Variants in ACAP3 observed in about 807,000 individuals in gnomAD.
ACAP3 encodes the protein ArfGAP with coiled-coil, ankyrin repeat and PH domains 3.
A neutral mutation model predicts 104.1 loss-of-function variants in ACAP3; 56 were observed. The ratio of observed to expected loss-of-function variants is 0.54; its 90% CI spans 0.43 to 0.67. The LOEUF (loss-of-function observed/expected upper bound fraction) is 0.67. ACAP3 is among the 30% of genes least tolerant of loss of function. The pLI, the probability that ACAP3 is intolerant of heterozygous loss-of-function variation, is 0.00. For synonymous variants in ACAP3, 628 were observed against 496.2 expected (o/e 1.27, Z -3.53); for missense variants, 1,208 against 1,174.9 (o/e 1.03, Z -0.41).
intron 15 of ACAP3, 55 bp from the exon 16 acceptor site, chr1:1,296,335 C>T (rs762353431): frequency 5.9e-5 from 92 of 1,549,102 alleles, no homozygotes; most frequent in Non-Finnish European, 8.0e-5. Context: ...CAGCTCCGGC[C>T]CAACCCCCAC....
chr1:1,307,772 A>C lies in ACAP3; in HGVS notation c.44T>G (p.Phe15Cys). 1 of 1,095,774 alleles carries C rather than the reference A, an allele frequency of 9.1e-7. No individual in the cohort carries two copies. The allele number at this position is 1,095,774 out of a possible 1,614,324, so 67.9% of individuals were successfully genotyped here. ...FEECVKDSPR[F>C]RATIDEVETD... ...CCGGCGGCCCCGGGCGGCGCACCTG[A>C]AGCGCGGGGAGTCCTTGACGCACTC... is the stretch of plus-strand genomic sequence containing the variant. The change falls in exon 1 of 24, where the codon TTC becomes TGC. Residue 15 changes from phenylalanine to cysteine, a missense_variant. Physicochemically the swap from Phe to Cys is radical, Grantham distance 205. Transcript: ENST00000354700.
Position 1,293,423 on chromosome 1 carries a change from G to A in ACAP3, c.*141C>T, listed in dbSNP as rs948018464. On this transcript the variant is annotated 3_prime_UTR_variant, in exon 24 of 24. Transcript: ENST00000354700. ...CCTCGCTCTCCTCCTGGGCGAGCAG[G>A]GCCGCGGCGCCCCAGCACTGGGGCT... 3.9e-5 allele frequency: 34 copies of A among 865,184 alleles called. No homozygotes were observed. The highest frequency in any genetic ancestry group is 4.9e-5 in the Non-Finnish European group (32 of 655,998). The allele number at this position is 865,184 out of a possible 1,614,324, so 53.6% of individuals were successfully genotyped here.
At chr1:1,296,143 G>A (rs746292944) in intron 16 of ACAP3, 34 bp from the exon 17 acceptor site, 24 of 1,610,892 alleles carry the variant, frequency 1.5e-5, no homozygotes, top group South Asian at 4.4e-5. Flanking sequence ...GCATCAGTGC[G>A]AACCTGCAGA....
rs1403221993 is a variant in ACAP3, at chr1:1,293,590, T to C, written c.2479A>G (p.Ile827Val). 1 of 1,492,670 alleles carries C rather than the reference T, an allele frequency of 6.7e-7. No homozygotes were observed. The highest frequency in any genetic ancestry group is 2.1e-5 in the Admixed American group (1 of 46,984). 92.5% of individuals were successfully genotyped at this position (1,492,670 alleles called of 1,614,324 possible). A position where few individuals can be genotyped will look rare whatever the true frequency, so the allele number is the denominator to read the frequency against. ...TAGCTCTCTTCCAGGTGGAGGCTGA[T>C]GAACTCCTGGATACACCTGCGGAAC... is the stretch of plus-strand genomic sequence containing the variant. ...LQFRRCIQEF[I>V]SLHLEES The change falls in exon 24 of 24, where the codon ATC becomes GTC. Residue 827 changes from isoleucine (I) to valine (V), a missense_variant. Coordinates refer to ENST00000354700, the MANE Select transcript of ACAP3 (RefSeq NM_030649.3).
At chr1:1,307,660 C>T in intron 1 of ACAP3, 109 bp downstream of exon 1, 1 of 998,858 alleles carries the variant, frequency 1.0e-6, no homozygotes. Flanking sequence ...AGCCCCTCCC[C>T]GGCGGCCGCG....
chr1:1,307,391 C>A, intron 1 of ACAP3: 4 of 1,290,934 alleles, frequency 3.1e-6, no homozygotes, highest in Non-Finnish European at 4.0e-6. Context: ...GCTCTGGACA[C>A]AGGATCAAGT....
In ACAP3 at chr1:1,296,177, G is replaced by A. The variant is rs533022989; in HGVS notation, c.1407+34C>T. 556 of 1,598,080 alleles carry A rather than the reference G, an allele frequency of 3.5e-4. 5 individuals are homozygous for A. The South Asian group carries it at 5.4e-3, about 15-fold the overall frequency. ...GACCCCAGCTCCCGCCCCCACAAAC[G>A]GGGTCCCGTGGCCTCCAGGAGCCCC... On this transcript the variant is annotated intron_variant, in intron 16 of 23. Transcript: ENST00000354700.
In ACAP3 at chr1:1,292,600, G is replaced by C. The variant is rs976073384; in HGVS notation, c.*964C>G. ...AGCCTCCCCAGGGCAGCATTGCATAGTGACCAGCCGACTGGCCTTAGCCTG... is the reference window on the plus strand; with the variant it reads ...AGCCTCCCCAGGGCAGCATTGCATACTGACCAGCCGACTGGCCTTAGCCTG... On this transcript the variant is annotated 3_prime_UTR_variant, in exon 24 of 24. Transcript: ENST00000354700. 3 of 152,326 alleles carry C rather than the reference G, an allele frequency of 2.0e-5. No individual in the cohort carries two copies. The highest frequency in any genetic ancestry group is 1.5e-5 in the Non-Finnish European group (1 of 68,100). The allele number at this position is 152,326 out of a possible 1,614,324, so 9.4% of individuals were successfully genotyped here. A position where few individuals can be genotyped will look rare whatever the true frequency, so the allele number is the denominator to read the frequency against.
chr1:1,302,915 C>T lies in ACAP3; in HGVS notation c.279+7G>A, dbSNP rs192937844. Reference sequence around the variant, plus strand: ...CAGCCCACAGGTGGCAGGGAGGCCGCGCTCACCATGTGGTAGTTCACCACC... The same window carrying T: ...CAGCCCACAGGTGGCAGGGAGGCCGTGCTCACCATGTGGTAGTTCACCACC... On this transcript the variant is annotated splice_region_variant and intron_variant, in intron 4 of 23. Coordinates refer to ENST00000354700, the MANE Select transcript of ACAP3 (RefSeq NM_030649.3). 1.2e-5 allele frequency: 19 copies of T among 1,610,754 alleles called. No homozygotes were observed. Among genetic ancestry groups the T allele is most frequent in the Middle Eastern group, 3.4e-4 (2 of 5,950 alleles).
At position 1,294,102 on chromosome 1, in the gene ACAP3, A is replaced by T. The variant is rs1640994223; in HGVS notation, c.2237T>A (p.Leu746Gln). 1.9e-6 allele frequency: 3 copies of T among 1,578,592 alleles called. No individual in the cohort carries two copies. The change falls in exon 22 of 24, where the codon CTG becomes CAG. Residue 746 changes from leucine (L) to glutamine (Q), a missense_variant. Physicochemically the swap from Leu to Gln is moderately radical, Grantham distance 113 (BLOSUM62 -2). Transcript: ENST00000354700. ...GRAPLHHATL[L>Q]GRTGQVCLFL... ...TTGCGCGTCTCACCCGGTGCGGCCC[A>T]GCAGCGTGGCGTGGTGCAGGGGCGC...
rs1490568653 is a variant in ACAP3 at position 1,298,697 on chromosome 1, G to A, written c.751-18C>T. ...GAGAAGTCCTGGGGGGATGGAACCC[G>A]CCCCCTCAGTGCCCACCCCAGGGGC... is the stretch of plus-strand genomic sequence containing the variant. On this transcript the variant is annotated intron_variant, in intron 10 of 23. Coordinates refer to ENST00000354700, the MANE Select transcript of ACAP3 (RefSeq NM_030649.3). 10 of 1,584,432 alleles carry A rather than the reference G, an allele frequency of 6.3e-6. No homozygotes were observed. The highest frequency in any genetic ancestry group is 1.7e-4 in the Middle Eastern group (1 of 6,010).
Position 1,302,958 on chromosome 1 carries a change from G to A in ACAP3, c.243C>T (p.Phe81=), listed in dbSNP as rs553277620. The part of the protein sequence containing the change: ...DTVISECLQR[F]ADSLQEVVNY... The stretch of plus-strand genomic sequence containing the variant: ...TCACCACCTCCTGTAGGCTGTCAGC[G>A]AACCTCTGCAGACATTCCTGGAGGA... Residue 81 remains phenylalanine, a synonymous_variant, in exon 4 of 24, where the codon TTC becomes TTT. Coordinates refer to ENST00000354700, the MANE Select transcript of ACAP3 (RefSeq NM_030649.3). The A allele has an allele frequency of 3.7e-5, 59 of 1,611,392 alleles. No homozygotes were observed. Among genetic ancestry groups the A allele is most frequent in the Non-Finnish European group, 3.5e-5 (41 of 1,179,290 alleles).
intron 13 of ACAP3, 32 bp downstream of exon 13, chr1:1,297,981 C>T: frequency 1.2e-6 from 2 of 1,611,198 alleles, no homozygotes; most frequent in African/African-American, 1.3e-5. Flanking sequence ...GCAGGTACGC[C>T]CCCCGCCCCA....
chr1:1,299,180 G>A (rs1443543162), intron 10 of ACAP3, 165 bp downstream of exon 10: 9 of 901,876 alleles, frequency 1.0e-5, no homozygotes, highest in Non-Finnish European at 1.5e-5. Context: ...GGGGAATGTG[G>A]AGGTCTGGCC....
chr1:1,297,885 G>C lies in ACAP3; in HGVS notation c.1065C>G (p.Val355=), dbSNP rs755557340. The change falls in exon 14 of 24, where the codon GTC becomes GTG. Residue 355 remains valine (V), a synonymous_variant. Transcript: ENST00000354700. ...AGGCGATGCTGGCCTGCACAGCCTGGACCCAGGCTTGCCGCAGCTTCTCGG... is the reference window on the plus strand; with the variant it reads ...AGGCGATGCTGGCCTGCACAGCCTGCACCCAGGCTTGCCGCAGCTTCTCGG... ...ADSEKLRQAW[V]QAVQASIASA... 1 of 1,612,096 alleles carries C rather than the reference G, an allele frequency of 6.2e-7. No individual in the cohort carries two copies. The highest frequency in any genetic ancestry group is 8.5e-7 in the Non-Finnish European group (1 of 1,179,530).
chr1:1,303,563 G>A lies in ACAP3; in HGVS notation c.106-282C>T. On this transcript the variant is annotated intron_variant, in intron 2 of 23. Transcript: ENST00000354700. This position sits in a 1 kb window ranked among gnomAD's most constrained non-coding sequence, Gnocchi z 4.0. ...CAGGACCAGCAGAACCAGCCCATGT[G>A]GGGCTCATGGATAAGGCTGCCCACT... 1 of 545,662 alleles carries A rather than the reference G, an allele frequency of 1.8e-6. No homozygotes were observed. Among genetic ancestry groups the A allele is most frequent in the Non-Finnish European group, 3.3e-6 (1 of 305,048 alleles). The allele number at this position is 545,662 out of a possible 1,614,324, so 33.8% of individuals were successfully genotyped here. A position where few individuals can be genotyped will look rare whatever the true frequency, so the allele number is the denominator to read the frequency against.
Position 1,293,018 on chromosome 1 carries a change from AGGGCTGAGGACCCAGGCCAGAGC to A in ACAP3, c.*523_*545del. 6.6e-6 allele frequency: 1 copy of A among 152,342 alleles called. No individual in the cohort carries two copies. The highest frequency in any genetic ancestry group is 2.1e-4 in the South Asian group (1 of 4,832). 9.4% of individuals were successfully genotyped at this position (152,342 alleles called of 1,614,324 possible). On this transcript the variant is annotated 3_prime_UTR_variant, in exon 24 of 24. Transcript: ENST00000354700. ...GGCCTTGGGACGCCCGCGTCCAGCC[AGGGCTGAGGACCCAGGCCAGAGC>A]CCCTCCCGCCCAGCACCCGCGACGC...
intron 6 of ACAP3, 52 bp from the exon 7 acceptor site, chr1:1,300,254 G>C: frequency 2.6e-6 from 4 of 1,542,936 alleles, no homozygotes; most frequent in East Asian, 2.3e-5. Flanking sequence ...GCAGCCCCAA[G>C]CCCTGCACCT....
intron 12 of ACAP3, 25 bp from the exon 13 acceptor site, chr1:1,298,138 C>T (rs1175528218): frequency 1.3e-6 from 2 of 1,587,710 alleles, no homozygotes; most frequent in Non-Finnish European, 1.7e-6. Context: ...GCTGTGGCCC[C>T]TGCCCTCAGC....
Sources: allele counts gnomAD v4.1 joint callset, GRCh38; gene constraint gnomAD v4.1.1; non-coding constraint Gnocchi (gnomAD v3.1); transcripts MANE v1.5; gene names NCBI Gene and HGNC (gene_info 2026-07-23, HGNC 2026-07-21).